Variants in CRISP2 observed in about 807,000 individuals in gnomAD.
CRISP2 encodes the protein cysteine-rich secretory protein 2.
CRISP2 carries 29 observed loss-of-function variants against 31.7 expected under a neutral mutation model. That is an observed-to-expected ratio of 0.92 (90% CI 0.68 to 1.25). The LOEUF (loss-of-function observed/expected upper bound fraction) is 1.25, where lower values mean the gene tolerates loss of function less well. Ranked by LOEUF, CRISP2 falls within the 50% of genes most tolerant of loss-of-function variation. The probability of loss-of-function intolerance (pLI) is 0.00; values close to 1 mark genes in which losing one functional copy is unlikely to be tolerated. For missense variants in CRISP2, 318 were observed against 286.5 expected (o/e 1.11, Z -0.79); for synonymous variants, 111 against 101.4 (o/e 1.09, Z -0.57).
At chr6:49,683,423 C>T in the CRISP2 span, among the ~76,000 whole-genome samples, 3 of 150,368 alleles carry the variant, frequency 2.0e-5, no homozygotes, top group East Asian at 5.9e-4. Flanking sequence ...GCCTGTAATC[C>T]CAGCACTTTG....
At chr6:49,693,502 T>G (rs1764240061) in intron 9 of CRISP2, among the ~76,000 whole-genome samples, 1 of 152,148 alleles carries the variant, frequency 6.6e-6, no homozygotes, top group African/African-American at 2.4e-5. Context: ...GCCCTTTTCC[T>G]TTTGATGTTT....
At chr6:49,697,407 GGTGT>G (rs3056352) in intron 8 of CRISP2, among the ~76,000 whole-genome samples, 3 of 151,062 alleles carry the variant, frequency 2.0e-5, no homozygotes, top group African/African-American at 7.3e-5. Flanking sequence ...TGTGTGTGGT[GGTGT>G]GTGTGTGTGT....
chr6:49,710,322 G>A (rs1390105744), intron 3 of CRISP2, among the ~76,000 whole-genome samples: 6 of 152,240 alleles, frequency 3.9e-5, no homozygotes, highest in South Asian at 2.1e-4. Context: ...ATATTGTATG[G>A]ATGATGTAAT....
At chr6:49,709,523 T>A (rs540275145) in intron 3 of CRISP2, among the ~76,000 whole-genome samples, 32 of 152,356 alleles carry the variant, frequency 2.1e-4, no homozygotes, top group Non-Finnish European at 4.0e-4. Context: ...GAAAATAGAT[T>A]CCTTAATAGT....
intron 3 of CRISP2, among the ~76,000 whole-genome samples, chr6:49,709,572 T>C (rs1767649028): frequency 6.6e-6 from 1 of 152,224 alleles, no homozygotes; most frequent in Non-Finnish European, 1.5e-5. Flanking sequence ...TCTCAATTTT[T>C]GGAGGAAAGT....
chr6:49,681,098 G>A, the CRISP2 span, among the ~76,000 whole-genome samples: 44 of 152,258 alleles, frequency 2.9e-4, no homozygotes, highest in African/African-American at 1.0e-3. Flanking sequence ...TATTTCCTAA[G>A]TTGTCTTCCA....
chr6:49,704,618 C>T (rs985662315), intron 4 of CRISP2, among the ~76,000 whole-genome samples: 8 of 152,114 alleles, frequency 5.3e-5, no homozygotes, highest in Non-Finnish European at 8.8e-5. Context: ...TATTGCTCTT[C>T]GGGGTCTAGC....
Position 49,692,714 on chromosome 6 carries a change from T to C in CRISP2, c.*59A>G, listed in dbSNP as rs1764128730. The C allele has an allele frequency of 6.7e-7, 1 of 1,489,298 alleles. No homozygotes were observed. The highest frequency in any genetic ancestry group is 9.1e-7 in the Non-Finnish European group (1 of 1,100,084). 92.3% of individuals were successfully genotyped at this position (1,489,298 alleles called of 1,614,324 possible). A position where few individuals can be genotyped will look rare whatever the true frequency, so the allele number is the denominator to read the frequency against. On this transcript the variant is annotated 3_prime_UTR_variant, in exon 10 of 10. Coordinates refer to ENST00000339139, the MANE Select transcript of CRISP2 (RefSeq NM_003296.4). Reference sequence around the variant, plus strand: ...CATACATACAATTTCCACTGGTATGTCGCAATTAAATGATGCAGCCCTTAT... The same window carrying C: ...CATACATACAATTTCCACTGGTATGCCGCAATTAAATGATGCAGCCCTTAT...
chr6:49,691,081 G>T (rs754422399), downstream of CRISP2, among the ~76,000 whole-genome samples: 2 of 151,884 alleles, frequency 1.3e-5, no homozygotes, highest in Non-Finnish European at 1.5e-5. Flanking sequence ...TTAAGGACCA[G>T]ATCAGATCTT....
intron 8 of CRISP2, 84 bp from the exon 9 acceptor site, chr6:49,696,008 T>C: frequency 1.3e-6 from 1 of 777,986 alleles, no homozygotes; most frequent in Non-Finnish European, 2.0e-6. Context: ...TATACATAAA[T>C]AGTTATTCAG....
intron 4 of CRISP2, among the ~76,000 whole-genome samples, chr6:49,704,241 A>T (rs957273865): frequency 6.6e-6 from 1 of 151,408 alleles, no homozygotes; most frequent in Non-Finnish European, 1.5e-5. Flanking sequence ...TTTTCTGGAA[A>T]TTTTTTCATT....
the CRISP2 span, among the ~76,000 whole-genome samples, chr6:49,678,276 T>C: frequency 1.3e-5 from 2 of 152,160 alleles, no homozygotes; most frequent in African/African-American, 4.8e-5. Flanking sequence ...AAATAGCTTA[T>C]ATAAACTGAT....
At chr6:49,702,139 C>CATATATATATATA (rs751022904) in intron 4 of CRISP2, among the ~76,000 whole-genome samples, 4 of 91,528 alleles carry the variant, frequency 4.4e-5, no homozygotes, top group South Asian at 3.6e-4. Context: ...TATATGTGTA[C>CATATATATATATA]TATATATATA....
At chr6:49,694,325 A>G (rs1439014652) in intron 9 of CRISP2, among the ~76,000 whole-genome samples, 2 of 152,056 alleles carry the variant, frequency 1.3e-5, no homozygotes, top group African/African-American at 4.8e-5. Context: ...CAGCTACTAC[A>G]ATTCATTTGG....
downstream of CRISP2, among the ~76,000 whole-genome samples, chr6:49,687,512 C>T (rs1763920980): frequency 6.6e-6 from 1 of 152,150 alleles, no homozygotes; most frequent in African/African-American, 2.4e-5. Context: ...ACTTTTCATT[C>T]CTAGAATCTT....
rs564276601 is a variant in CRISP2 at position 49,694,802 on chromosome 6, C to T, written c.604+1034G>A. Among the ~76,000 whole-genome samples the T allele has an allele frequency of 2.7e-4, 41 of 149,422 alleles. 1 individual carries two copies. The highest frequency in any genetic ancestry group is 1.4e-3 in the East Asian group (7 of 5,042). ...CTGGCTGGAGTGCAGTGGCCGAACT[C>T]GGCTCACTGCAATCTCCGCCTCCTG... On this transcript the variant is annotated intron_variant, in intron 9 of 9. Coordinates refer to ENST00000339139, the MANE Select transcript of CRISP2 (RefSeq NM_003296.4).
At chr6:49,682,611 CTTTCTTTCTT>C in the CRISP2 span, among the ~76,000 whole-genome samples, 1 of 67,224 alleles carries the variant, frequency 1.5e-5, no homozygotes, top group Non-Finnish European at 2.5e-5. Flanking sequence ...TTCTTTCTTT[CTTTCTTTCTT>C]TCTTTCTTTC....
chr6:49,682,563 CTTTCTTTCTT>C, the CRISP2 span, among the ~76,000 whole-genome samples: 2,418 of 100,382 alleles, frequency 0.024, 60 homozygotes, highest in East Asian at 0.059. Context: ...CCATCTTTCT[CTTTCTTTCTT>C]TTTCTTTCTT....
intron 5 of CRISP2, among the ~76,000 whole-genome samples, 190 bp from the exon 6 acceptor site, chr6:49,700,081 AT>A (rs1765411726): frequency 6.6e-6 from 1 of 152,140 alleles, no homozygotes; most frequent in Admixed American, 6.6e-5. Flanking sequence ...TCCATAGGTA[AT>A]ATATCTAAAA....
Sources: allele counts gnomAD v4.1 joint callset (sites outside exome capture counted in the v4.1 genomes callset), GRCh38; gene constraint gnomAD v4.1.1; transcripts MANE v1.5; gene names NCBI Gene and HGNC (gene_info 2026-07-23, HGNC 2026-07-21).